Variants in CYP2C19 observed in about 807,000 individuals in gnomAD.
CYP2C19 encodes cytochrome P450 2C19.
Under a neutral mutation model 40.9 loss-of-function variants are expected in CYP2C19, and 59 were observed. The observed-to-expected ratio is 1.44, with a 90% confidence interval of 1.17 to 1.79. CYP2C19 has a LOEUF of 1.79. Ranked by LOEUF, CYP2C19 falls within the 40% of genes most tolerant of loss-of-function variation. The pLI is 0.00. For missense variants in CYP2C19, 754 were observed against 596.9 expected, an observed-to-expected ratio of 1.26 and a Z score of -2.74; for synonymous variants, 253 against 208.7, an observed-to-expected ratio of 1.21 and a Z score of -1.83.
chr10:94,794,001 T>G (rs57079861), intron 5 of CYP2C19, among the ~76,000 whole-genome samples: 11,556 of 152,114 alleles, frequency 0.076, 506 homozygotes, highest in South Asian at 0.12. Context: ...GGTGCGGTGG[T>G]CTCCACCCAG....
In CYP2C19 at chr10:94,775,099, C is replaced by T. The variant is rs554542134; in HGVS notation, c.210C>T (p.Gly70=). 3.1e-6 allele frequency: 5 copies of T among 1,614,068 alleles called. No homozygotes were observed. The highest frequency in any genetic ancestry group is 3.3e-5 in the Admixed American group (2 of 60,012). Residue 70 remains glycine (G), a synonymous_variant, in exon 2 of 9, where the codon GGC becomes GGT. Coordinates refer to ENST00000371321, the MANE Select transcript of CYP2C19 (RefSeq NM_000769.4). ...IYGPVFTLYF[G]LERMVVLHGY... ...GCCCTGTGTTCACTCTGTATTTTGG[C>T]CTGGAACGCATGGTGGTGCTGCATG... is the stretch of plus-strand genomic sequence containing the variant.
chr10:94,793,477 C>T (rs756336863), intron 5 of CYP2C19, among the ~76,000 whole-genome samples: 1 of 152,204 alleles, frequency 6.6e-6, no homozygotes, highest in African/African-American at 2.4e-5. Context: ...CTCGTTACTC[C>T]CATCTTTGTG....
At chr10:94,848,083 T>G (rs1454216405) in intron 7 of CYP2C19, among the ~76,000 whole-genome samples, 1 of 152,236 alleles carries the variant, frequency 6.6e-6, no homozygotes. Flanking sequence ...TTAGTTTTAT[T>G]AGATCCCATT....
chr10:94,806,514 C>T (rs1848838382), intron 5 of CYP2C19, among the ~76,000 whole-genome samples: 1 of 151,634 alleles, frequency 6.6e-6, no homozygotes, highest in Admixed American at 6.6e-5. Flanking sequence ...CATTACATTC[C>T]CATCAGTAGG....
At chr10:94,813,586 G>A (rs1848957847) in intron 5 of CYP2C19, among the ~76,000 whole-genome samples, 1 of 151,850 alleles carries the variant, frequency 6.6e-6, no homozygotes, top group Non-Finnish European at 1.5e-5. Context: ...CACTGTGAGG[G>A]GAAAACCACC....
At chr10:94,843,301 T>C (rs1564683749) in intron 7 of CYP2C19, among the ~76,000 whole-genome samples, 1 of 152,240 alleles carries the variant, frequency 6.6e-6, no homozygotes, top group Middle Eastern at 3.2e-3. Context: ...AAGGTGTTAA[T>C]TTTTCAATTT....
chr10:94,852,701 G>T (rs767485534), intron 8 of CYP2C19, 32 bp from the exon 9 acceptor site: 1 of 1,609,324 alleles, frequency 6.2e-7, no homozygotes, highest in South Asian at 1.1e-5. Flanking sequence ...TACACATGAG[G>T]AGTAACTTCT....
intron 5 of CYP2C19, among the ~76,000 whole-genome samples, chr10:94,799,200 G>A (rs529780692): frequency 6.6e-6 from 1 of 152,000 alleles, no homozygotes; most frequent in East Asian, 1.9e-4. Flanking sequence ...CAGGCCTGGT[G>A]GTCACAAAAT....
chr10:94,802,086 T>C (rs1848774317), intron 5 of CYP2C19, among the ~76,000 whole-genome samples: 1 of 152,096 alleles, frequency 6.6e-6, no homozygotes, highest in Admixed American at 6.6e-5. Context: ...TGGTCCATTT[T>C]ACCGAGTGCT....
chr10:94,785,954 C>T (rs1402893708), intron 5 of CYP2C19, among the ~76,000 whole-genome samples: 1 of 152,004 alleles, frequency 6.6e-6, no homozygotes, highest in African/African-American at 2.4e-5. Flanking sequence ...ATGTAAATGC[C>T]ACACCTGATT....
rs1848400915 is a variant in CYP2C19 at position 94,775,855 on chromosome 10, A to C, written c.481+316A>C. ...TCATTTTTTGAAAGAGTTAAAGAGC[A>C]GTGTTTTTCCCATTATCTATTCCAG... On this transcript the variant is annotated intron_variant, in intron 3 of 8. Transcript: ENST00000371321. 4 of 415,540 alleles carry C rather than the reference A, an allele frequency of 9.6e-6. No homozygotes were observed. In the Admixed American group the frequency reaches 1.2e-4, roughly 12 times the overall value. 25.7% of individuals were successfully genotyped at this position (415,540 alleles called of 1,614,324 possible).
intron 5 of CYP2C19, among the ~76,000 whole-genome samples, chr10:94,792,897 G>A (rs1004279149): frequency 2.6e-5 from 4 of 152,084 alleles, no homozygotes; most frequent in Non-Finnish European, 5.9e-5. Flanking sequence ...GTGAATGTTG[G>A]CCTCTCTTGC....
chr10:94,823,648 A>G (rs1564676893), intron 6 of CYP2C19, among the ~76,000 whole-genome samples: 1 of 152,210 alleles, frequency 6.6e-6, no homozygotes, highest in Non-Finnish European at 1.5e-5. Flanking sequence ...AAACTTTCAG[A>G]GCTATACCAG....
intron 6 of CYP2C19, among the ~76,000 whole-genome samples, chr10:94,839,357 T>C (rs1172210490): frequency 6.6e-6 from 1 of 152,020 alleles, no homozygotes; most frequent in Non-Finnish European, 1.5e-5. Flanking sequence ...GGATTACTTA[T>C]GCTTACCGAT....
chr10:94,802,296 A>G (rs1848777525), intron 5 of CYP2C19, among the ~76,000 whole-genome samples: 1 of 152,198 alleles, frequency 6.6e-6, no homozygotes, highest in Non-Finnish European at 1.5e-5. Context: ...CACCCAACCC[A>G]GAAGTCCAGC....
intron 7 of CYP2C19, among the ~76,000 whole-genome samples, chr10:94,846,382 A>G (rs994653098): frequency 2.0e-5 from 3 of 152,214 alleles, no homozygotes; most frequent in Non-Finnish European, 4.4e-5. Flanking sequence ...GGTGAGGCAG[A>G]GGCACATAAT....
At chr10:94,783,516 G>T (rs1205937537) in intron 5 of CYP2C19, among the ~76,000 whole-genome samples, 1 of 152,086 alleles carries the variant, frequency 6.6e-6, no homozygotes, top group Admixed American at 6.6e-5. Flanking sequence ...CACCTCTTTT[G>T]TCATTGCACC....
chr10:94,833,310 C>A (rs1211152853), intron 6 of CYP2C19, among the ~76,000 whole-genome samples: 1 of 152,120 alleles, frequency 6.6e-6, no homozygotes. Context: ...ATAACAATGG[C>A]AATAGTGGAC....
chr10:94,833,168 T>C (rs1297462724), intron 6 of CYP2C19, among the ~76,000 whole-genome samples: 1 of 152,222 alleles, frequency 6.6e-6, no homozygotes, highest in Non-Finnish European at 1.5e-5. Context: ...GTGGAATCTT[T>C]AGGTTTTTCC....
Sources: gnomAD v4.1 joint callset for allele counts (sites outside exome capture counted in the v4.1 genomes callset) on GRCh38, gnomAD v4.1.1 for gene constraint, MANE v1.5 for transcripts, NCBI Gene and HGNC (gene_info 2026-07-23, HGNC 2026-07-21) for gene names.